The following PCCA variants were observed in gnomAD, a reference collection of about 807,000 sequenced individuals.
PCCA encodes propionyl-CoA carboxylase alpha chain, mitochondrial.
PCCA carries 74 observed loss-of-function variants against 101.3 expected under a neutral mutation model. The ratio of observed to expected loss-of-function variants is 0.73; its 90% CI spans 0.61 to 0.89. PCCA has a LOEUF of 0.89. Ranked by LOEUF, PCCA falls within the 40% of genes least tolerant of loss-of-function variation. The probability of loss-of-function intolerance (pLI) is 0.00; values close to 1 mark genes in which losing one functional copy is unlikely to be tolerated. For missense variants in PCCA, 891 were observed against 907.0 expected (o/e 0.98, Z 0.23); for synonymous variants, 294 against 313.6 (o/e 0.94, Z 0.66).
chr13:100,364,535 C>A (rs2074975122), intron 18 of PCCA, among the ~76,000 whole-genome samples: 3 of 152,142 alleles, frequency 2.0e-5, no homozygotes. Flanking sequence ...TTTATATCTG[C>A]CAGTTAACTG....
At chr13:100,413,008 G>C (rs567344033) in intron 19 of PCCA, among the ~76,000 whole-genome samples, 2 of 152,206 alleles carry the variant, frequency 1.3e-5, no homozygotes, top group South Asian at 2.1e-4. Flanking sequence ...TAATATTTTA[G>C]TATGTACATA....
intron 4 of PCCA, among the ~76,000 whole-genome samples, chr13:100,132,855 C>A (rs1022070170): frequency 1.3e-5 from 2 of 152,076 alleles, no homozygotes; most frequent in African/African-American, 2.4e-5. Context: ...CTCACTGCAA[C>A]CTCCACCTCC....
At chr13:100,318,795 G>A (rs1340518185) in intron 16 of PCCA, among the ~76,000 whole-genome samples, 6 of 152,088 alleles carry the variant, frequency 3.9e-5, no homozygotes, top group Non-Finnish European at 5.9e-5. Flanking sequence ...TAAACATAAC[G>A]TGTGCATGTG....
chr13:100,348,767 T>C (rs552477398), intron 18 of PCCA, among the ~76,000 whole-genome samples: 51 of 87,902 alleles, frequency 5.8e-4, no homozygotes, highest in African/African-American at 2.0e-3. Context: ...TTTCTTTCTT[T>C]CTTTCTTTCT....
intron 21 of PCCA, among the ~76,000 whole-genome samples, chr13:100,463,925 A>G (rs1376735376): frequency 6.6e-6 from 1 of 152,222 alleles, no homozygotes; most frequent in Non-Finnish European, 1.5e-5. Flanking sequence ...AAGTTATTTC[A>G]AAGTATCTCA....
At chr13:100,355,235 A>T (rs879307335) in intron 18 of PCCA, among the ~76,000 whole-genome samples, 22 of 152,170 alleles carry the variant, frequency 1.4e-4, no homozygotes, top group Admixed American at 2.6e-4. Flanking sequence ...GCAAAAAAAA[A>T]ATCTGACAAA....
chr13:100,476,248 A>AATGT (rs2083413536), intron 21 of PCCA, among the ~76,000 whole-genome samples: 1 of 152,234 alleles, frequency 6.6e-6, no homozygotes, highest in Non-Finnish European at 1.5e-5. Context: ...ACCAACTACT[A>AATGT]ATATTTTTTA....
intron 16 of PCCA, among the ~76,000 whole-genome samples, chr13:100,326,027 G>A (rs182086219): frequency 6.6e-6 from 1 of 152,284 alleles, no homozygotes; most frequent in Admixed American, 6.5e-5. Flanking sequence ...CGTTGACACT[G>A]TGGAAGAGAA....
chr13:100,100,913 C>T (rs2047220350), intron 1 of PCCA, among the ~76,000 whole-genome samples: 2 of 152,068 alleles, frequency 1.3e-5, no homozygotes, highest in African/African-American at 4.8e-5. Flanking sequence ...AAGCGATTCT[C>T]CTGCCTCAGC....
intron 20 of PCCA, among the ~76,000 whole-genome samples, chr13:100,428,339 C>T (rs1365139697): frequency 7.4e-6 from 1 of 134,868 alleles, no homozygotes; most frequent in African/African-American, 2.8e-5. Flanking sequence ...CCCTACCCCC[C>T]ACCCCCACCC....
intron 21 of PCCA, among the ~76,000 whole-genome samples, chr13:100,450,600 C>T (rs1421731609): frequency 2.6e-5 from 4 of 151,954 alleles, no homozygotes; most frequent in African/African-American, 4.8e-5. Flanking sequence ...CAGAGGTATT[C>T]TGCAAGAATA....
At chr13:100,337,924 A>C (rs1021147159) in intron 17 of PCCA, among the ~76,000 whole-genome samples, 1 of 152,264 alleles carries the variant, frequency 6.6e-6, no homozygotes, top group Admixed American at 6.5e-5. Context: ...CATGTAAAAT[A>C]CTGTGTTTAA....
intron 4 of PCCA, among the ~76,000 whole-genome samples, chr13:100,152,849 C>T (rs964660102): frequency 7.9e-5 from 12 of 152,128 alleles, no homozygotes; most frequent in Admixed American, 2.0e-4. Context: ...GGTATCATTA[C>T]GAAAGTGTAT....
intron 12 of PCCA, among the ~76,000 whole-genome samples, chr13:100,282,512 C>T (rs1369263017): frequency 6.6e-6 from 1 of 152,194 alleles, no homozygotes; most frequent in African/African-American, 2.4e-5. Context: ...TCCAGGTGGG[C>T]GTGGGCTTGG....
rs376944139 is a variant in PCCA at position 100,234,482 on chromosome 13, A to G, written c.601-1360A>G. Reference sequence around the variant, plus strand: ...GATGTGACTGCTTGGAGTAAAAAAAAAAAAAAACAACTTAAAACTGATGTC... The same window carrying G: ...GATGTGACTGCTTGGAGTAAAAAAAGAAAAAAACAACTTAAAACTGATGTC... On this transcript the variant is annotated intron_variant, in intron 7 of 23. Transcript: ENST00000376285. Among the ~76,000 whole-genome samples, 13 of 152,212 alleles carry G rather than the reference A, an allele frequency of 8.5e-5. No individual in the cohort carries two copies. In the East Asian group the frequency reaches 2.1e-3, roughly 25 times the overall value.
intron 1 of PCCA, among the ~76,000 whole-genome samples, chr13:100,091,334 G>T (rs1462460814): frequency 6.6e-6 from 1 of 152,146 alleles, no homozygotes; most frequent in Non-Finnish European, 1.5e-5. Flanking sequence ...TTCTTACCTG[G>T]TTTTTTCCTT....
intron 21 of PCCA, chr13:100,480,933 G>A (rs983275078): frequency 6.6e-6 from 1 of 152,280 alleles, no homozygotes; most frequent in Non-Finnish European, 1.5e-5. Context: ...AAAATCCCCA[G>A]GGGATGCCTA....
intron 4 of PCCA, among the ~76,000 whole-genome samples, chr13:100,152,355 ACT>A (rs1491350235): frequency 3.9e-5 from 5 of 126,682 alleles, no homozygotes; most frequent in Admixed American, 3.4e-4. Flanking sequence ...TTATTGGAGC[ACT>A]CTTTTTTTTT....
chr13:100,335,055 A>G (rs889257853), intron 17 of PCCA, among the ~76,000 whole-genome samples: 9 of 152,240 alleles, frequency 5.9e-5, no homozygotes, highest in African/African-American at 2.2e-4. Context: ...TTCATACTCT[A>G]TAAACTGGAA....
Sources: gnomAD v4.1 joint callset for allele counts (sites outside exome capture counted in the v4.1 genomes callset) on GRCh38, gnomAD v4.1.1 for gene constraint, MANE v1.5 for transcripts, NCBI Gene and HGNC (gene_info 2026-07-23, HGNC 2026-07-21) for gene names.